TAFA4: variants seen among roughly 807,000 people sequenced by gnomAD.
The protein encoded by TAFA4 is chemokine-like protein TAFA-4.
TAFA4 carries 20 observed loss-of-function variants against 21.1 expected under a neutral mutation model. That is an observed-to-expected ratio of 0.95 (90% CI 0.67 to 1.38). The LOEUF (loss-of-function observed/expected upper bound fraction) is 1.38, where lower values mean the gene tolerates loss of function less well. TAFA4 is among the 40% of genes most tolerant of loss of function. The probability of loss-of-function intolerance (pLI) is 0.00; values close to 1 mark genes in which losing one functional copy is unlikely to be tolerated. For synonymous variants in TAFA4, 71 were observed against 67.4 expected (o/e 1.05, Z -0.26); for missense variants, 211 against 180.9 (o/e 1.17, Z -0.95).
chr3:68,888,458 A>T (rs2089696138), intron 1 of TAFA4, among the ~76,000 whole-genome samples: 2 of 152,086 alleles, frequency 1.3e-5, no homozygotes, highest in African/African-American at 4.8e-5. Context: ...CATTTACTTC[A>T]AAACTGTTCC....
intron 3 of TAFA4, among the ~76,000 whole-genome samples, chr3:68,863,730 G>A (rs2089381396): frequency 6.6e-6 from 1 of 152,120 alleles, no homozygotes; most frequent in Admixed American, 6.5e-5. Flanking sequence ...TATCTGAAAA[G>A]CTCTATGGCT....
chr3:68,904,736 G>T (rs2089881845), intron 1 of TAFA4, among the ~76,000 whole-genome samples: 2 of 152,192 alleles, frequency 1.3e-5, no homozygotes, highest in South Asian at 4.1e-4. Context: ...TCCACCGAAG[G>T]ACAGGAGGTG....
intron 3 of TAFA4, among the ~76,000 whole-genome samples, chr3:68,783,706 A>AGAGAGAAAG: frequency 1.2e-5 from 1 of 86,170 alleles, no homozygotes; most frequent in East Asian, 3.9e-4. Flanking sequence ...AGAGAGAGAG[A>AGAGAGAAAG]GAAAGAAAAA....
chr3:68,878,682 C>T (rs996716097), intron 3 of TAFA4, among the ~76,000 whole-genome samples: 3 of 152,128 alleles, frequency 2.0e-5, no homozygotes, highest in Non-Finnish European at 4.4e-5. Flanking sequence ...CTACACAGTC[C>T]CATATGTGTA....
chr3:68,763,788 A>G (rs1575599575), intron 3 of TAFA4, among the ~76,000 whole-genome samples: 1 of 152,036 alleles, frequency 6.6e-6, no homozygotes, highest in Non-Finnish European at 1.5e-5. Flanking sequence ...TAATATCTCA[A>G]GATGATAAAC....
At chr3:68,791,455 T>A (rs1237105232) in intron 3 of TAFA4, among the ~76,000 whole-genome samples, 1 of 152,142 alleles carries the variant, frequency 6.6e-6, no homozygotes, top group Non-Finnish European at 1.5e-5. Flanking sequence ...TGAGGGAGCA[T>A]AGCCCTGCCA....
chr3:68,930,788 A>G (rs1403177165), intron 1 of TAFA4, among the ~76,000 whole-genome samples: 1 of 152,234 alleles, frequency 6.6e-6, no homozygotes, highest in Admixed American at 6.5e-5. Context: ...CTATAAACTT[A>G]GCAGAAATTC....
chr3:68,765,587 C>A (rs2106773779), intron 3 of TAFA4, among the ~76,000 whole-genome samples: 1 of 152,204 alleles, frequency 6.6e-6, no homozygotes, highest in South Asian at 2.1e-4. Flanking sequence ...CTTAGCAGTA[C>A]CAGATTTCAA....
At chr3:68,821,277 A>G (rs1373748638) in intron 3 of TAFA4, among the ~76,000 whole-genome samples, 2 of 151,950 alleles carry the variant, frequency 1.3e-5, no homozygotes, top group African/African-American at 4.8e-5. Flanking sequence ...CAAAACAACA[A>G]TAAGATATGA....
chr3:68,743,360 G>A (rs544040955), intron 4 of TAFA4, among the ~76,000 whole-genome samples: 3 of 152,216 alleles, frequency 2.0e-5, no homozygotes, highest in East Asian at 1.9e-4. Context: ...CAGATCACTT[G>A]AGGTCAAGAG....
intron 3 of TAFA4, among the ~76,000 whole-genome samples, chr3:68,812,852 C>T (rs1002237116): frequency 1.3e-5 from 2 of 152,026 alleles, no homozygotes; most frequent in Admixed American, 6.6e-5. Context: ...AACTCTCCAC[C>T]CCAAATCAAC....
intron 3 of TAFA4, among the ~76,000 whole-genome samples, chr3:68,790,734 G>A (rs1703345969): frequency 6.6e-6 from 1 of 152,136 alleles, no homozygotes; most frequent in African/African-American, 2.4e-5. Context: ...AGGAAAATGT[G>A]CCAACTGGGG....
intron 3 of TAFA4, among the ~76,000 whole-genome samples, chr3:68,810,412 C>A (rs1703808830): frequency 6.6e-6 from 1 of 152,178 alleles, no homozygotes; most frequent in South Asian, 2.1e-4. Context: ...TCAGGGAATT[C>A]CCTTTCCTAG....
intron 1 of TAFA4, among the ~76,000 whole-genome samples, chr3:68,911,838 A>G (rs1333013216): frequency 6.6e-6 from 1 of 152,166 alleles, no homozygotes; most frequent in African/African-American, 2.4e-5. Context: ...CCAGGGCTCA[A>G]AGCTCTTATT....
intron 1 of TAFA4, among the ~76,000 whole-genome samples, chr3:68,926,455 G>C (rs1027744560): frequency 4.6e-5 from 7 of 152,092 alleles, no homozygotes; most frequent in African/African-American, 1.4e-4. Flanking sequence ...CAGAAGCCTA[G>C]GGTGATGAAA....
intron 3 of TAFA4, among the ~76,000 whole-genome samples, chr3:68,809,718 A>G: frequency 6.6e-6 from 1 of 152,036 alleles, no homozygotes; most frequent in Non-Finnish European, 1.5e-5. Flanking sequence ...CTGCATTTTG[A>G]GTTGATTTTT....
intron 3 of TAFA4, among the ~76,000 whole-genome samples, chr3:68,864,363 A>G (rs1364802022): frequency 2.0e-5 from 3 of 152,174 alleles, no homozygotes; most frequent in Admixed American, 6.6e-5. Context: ...ATTATTAGCC[A>G]TTAGGTTCAT....
intron 4 of TAFA4, among the ~76,000 whole-genome samples, 171 bp from the exon 5 acceptor site, chr3:68,739,370 T>C (rs561382456): frequency 6.6e-6 from 1 of 152,318 alleles, no homozygotes; most frequent in South Asian, 2.1e-4. Flanking sequence ...ATTTCATTTT[T>C]TTATTAAAAA....
At chr3:68,878,862 G>A (rs1408272514) in intron 3 of TAFA4, among the ~76,000 whole-genome samples, 2 of 151,900 alleles carry the variant, frequency 1.3e-5, no homozygotes, top group Non-Finnish European at 2.9e-5. Flanking sequence ...AAATTAGGTG[G>A]GTTTTCATTT....
Sources: allele counts gnomAD v4.1 joint callset (sites outside exome capture counted in the v4.1 genomes callset), GRCh38; gene constraint gnomAD v4.1.1; transcripts MANE v1.5; gene names NCBI Gene and HGNC (gene_info 2026-07-23, HGNC 2026-07-21).